Variants in DENND10 observed in about 807,000 individuals in gnomAD.
The protein encoded by DENND10 is DENN domain-containing protein 10.
In DENND10, 24 loss-of-function variants were observed where a neutral mutation model predicts 43.6. The ratio of observed to expected loss-of-function variants is 0.55; its 90% CI spans 0.40 to 0.77. DENND10 has a LOEUF of 0.77. DENND10 is among the 30% of genes least tolerant of loss of function. DENND10 has a pLI of 0.00. For synonymous variants in DENND10, 125 were observed against 157.6 expected, an observed-to-expected ratio of 0.79 and a Z score of 1.55; for missense variants, 303 against 429.9, an observed-to-expected ratio of 0.70 and a Z score of 2.61.
chr10:119,137,295 A>AG lies in DENND10; in HGVS notation c.*649dup. On this transcript the variant is annotated 3_prime_UTR_variant, in exon 9 of 9. Transcript: ENST00000361432. Reference sequence around the variant, plus strand: ...TAATCCATATTTATACTATCGCAGAAGTAAGCATTTGGCAAACGTTCAGCC... The same window carrying AG: ...TAATCCATATTTATACTATCGCAGAAGGTAAGCATTTGGCAAACGTTCAGCC... 1 of 162,118 alleles carries AG rather than the reference A, an allele frequency of 6.2e-6. No individual in the cohort carries two copies. The highest frequency in any genetic ancestry group is 2.2e-4 in the South Asian group (1 of 4,518). The allele number at this position is 162,118 out of a possible 1,614,324, so 10.0% of individuals were successfully genotyped here.
intron 6 of DENND10, 124 bp from the exon 7 acceptor site, chr10:119,129,391 C>A: frequency 1.5e-6 from 1 of 662,982 alleles, no homozygotes; most frequent in Non-Finnish European, 2.7e-6. Flanking sequence ...CAGGGTACAG[C>A]TAATGTTCCC....
In DENND10 at chr10:119,136,714, T is replaced by C. The variant is rs1319301717; in HGVS notation, c.*67T>C. On this transcript the variant is annotated 3_prime_UTR_variant, in exon 9 of 9. Transcript: ENST00000361432. Reference sequence around the variant, plus strand: ...TCTTTCACTCTGATTACCCACTCACTACATGAAGTCCTGAAAATAACAGAG... The same window carrying C: ...TCTTTCACTCTGATTACCCACTCACCACATGAAGTCCTGAAAATAACAGAG... 12 of 713,800 alleles carry C rather than the reference T, an allele frequency of 1.7e-5. No individual in the cohort carries two copies. Among genetic ancestry groups the C allele is most frequent in the Non-Finnish European group, 1.6e-5 (7 of 442,628 alleles). 44.2% of individuals were successfully genotyped at this position (713,800 alleles called of 1,614,324 possible).
At chr10:119,104,586 G>GGCGGC (rs200289641) in intron 1 of DENND10, among the ~76,000 whole-genome samples, 1 of 148,328 alleles carries the variant, frequency 6.7e-6, no homozygotes, top group African/African-American at 2.4e-5. Context: ...GCAGCCGGCT[G>GGCGGC]GCGGCGCGGC....
intron 6 of DENND10, among the ~76,000 whole-genome samples, chr10:119,127,700 C>T (rs1845897368): frequency 6.6e-6 from 1 of 151,922 alleles, no homozygotes; most frequent in Non-Finnish European, 1.5e-5. Flanking sequence ...GTTGCCCAGG[C>T]AGGCCTCGAA....
Position 119,120,251 on chromosome 10 carries a change from AAAAAAAG to A in DENND10, c.482-76_482-70del, listed in dbSNP as rs1379858901. The A allele has an allele frequency of 9.1e-5, 76 of 836,240 alleles. No individual in the cohort carries two copies. The South Asian group carries it at 1.0e-3, about 12-fold the overall frequency. 51.8% of individuals were successfully genotyped at this position (836,240 alleles called of 1,614,324 possible). ...TGACAGAGTGAGACTCGGTCTCAAA[AAAAAAAG>A]AAAAAAGAAAAAAAGAAAAAAAAAT... On this transcript the variant is annotated intron_variant, in intron 4 of 8. Coordinates refer to ENST00000361432, the MANE Select transcript of DENND10 (RefSeq NM_207009.4).
intron 8 of DENND10, chr10:119,134,377 G>A (rs1846215487): frequency 7.6e-6 from 1 of 132,280 alleles, no homozygotes; most frequent in Non-Finnish European, 1.6e-5. Context: ...TGGAGACAGA[G>A]TCTCGCTCTG....
intron 3 of DENND10, among the ~76,000 whole-genome samples, chr10:119,116,437 C>T (rs1845277755): frequency 1.3e-5 from 2 of 152,106 alleles, no homozygotes; most frequent in Admixed American, 6.6e-5. Flanking sequence ...ACTCCTTTCT[C>T]GTCAAAGGAA....
chr10:119,132,438 T>A lies in DENND10; in HGVS notation c.803-77T>A. The A allele has an allele frequency of 1.7e-6, 2 of 1,199,488 alleles. No individual in the cohort carries two copies. The highest frequency in any genetic ancestry group is 2.5e-6 in the Non-Finnish European group (2 of 804,328). The allele number at this position is 1,199,488 out of a possible 1,614,324, so 74.3% of individuals were successfully genotyped here. A position where few individuals can be genotyped will look rare whatever the true frequency, so the allele number is the denominator to read the frequency against. ...CTTTTTGAAAATTCCCTCAGTGTGG[T>A]CTTCCAAGTTTTCAGATAGATGGCA... On this transcript the variant is annotated intron_variant, in intron 7 of 8. Coordinates refer to ENST00000361432, the MANE Select transcript of DENND10 (RefSeq NM_207009.4). The surrounding 1 kb of genome is among the most constrained non-coding windows in gnomAD (Gnocchi z 4.2).
chr10:119,116,064 C>G (rs957872878), intron 3 of DENND10, among the ~76,000 whole-genome samples: 1 of 152,078 alleles, frequency 6.6e-6, no homozygotes. Flanking sequence ...GTGCCCGGCC[C>G]TCAAGTGATC....
At chr10:119,114,277 C>CACAT (rs1241220599) in intron 3 of DENND10, 1 of 151,878 alleles carries the variant, frequency 6.6e-6, no homozygotes, top group Admixed American at 6.6e-5. Context: ...CACACACACA[C>CACAT]ACACACACAC....
chr10:119,105,461 T>C, intron 1 of DENND10: 1 of 978,464 alleles, frequency 1.0e-6, no homozygotes, highest in Non-Finnish European at 1.3e-6. Context: ...ATTTTTGTAT[T>C]TTTTGTGGAG....
chr10:119,129,354 A>G (rs1845978633), intron 6 of DENND10, 161 bp from the exon 7 acceptor site: 1 of 600,992 alleles, frequency 1.7e-6, no homozygotes, highest in Non-Finnish European at 3.0e-6. Context: ...CAGGCAACTG[A>G]TAGTAATGTA....
At chr10:119,113,917 G>A (rs763551911) in intron 3 of DENND10, among the ~76,000 whole-genome samples, 1 of 152,140 alleles carries the variant, frequency 6.6e-6, no homozygotes, top group African/African-American at 2.4e-5. Flanking sequence ...CAGAAAAGAC[G>A]CTATCCAGAA....
intron 3 of DENND10, among the ~76,000 whole-genome samples, chr10:119,112,733 G>GATCT (rs1453505540): frequency 3.3e-5 from 5 of 151,840 alleles, no homozygotes; most frequent in Admixed American, 3.3e-4. Flanking sequence ...GAGCTCAAGT[G>GATCT]ATCTGCTCAT....
intron 2 of DENND10, among the ~76,000 whole-genome samples, chr10:119,109,054 A>C (rs1317844273): frequency 6.6e-6 from 1 of 151,762 alleles, no homozygotes; most frequent in Non-Finnish European, 1.5e-5. Flanking sequence ...ATCTCTACTA[A>C]AAATACAAAA....
chr10:119,130,502 C>T (rs959825463), intron 7 of DENND10, among the ~76,000 whole-genome samples: 2 of 152,086 alleles, frequency 1.3e-5, no homozygotes, highest in Non-Finnish European at 2.9e-5. Flanking sequence ...TTCACCATGT[C>T]GGCCAGGCTG....
intron 2 of DENND10, among the ~76,000 whole-genome samples, chr10:119,111,323 A>C (rs1300256065): frequency 6.6e-6 from 1 of 151,676 alleles, no homozygotes; most frequent in African/African-American, 2.4e-5. Context: ...CAATAAAAAT[A>C]AGTAAAATAA....
intron 6 of DENND10, among the ~76,000 whole-genome samples, chr10:119,124,225 A>G (rs1174114044): frequency 6.6e-6 from 1 of 150,732 alleles, no homozygotes; most frequent in Non-Finnish European, 1.5e-5. Context: ...TAAAATGCAT[A>G]TAGGATTTAC....
intron 5 of DENND10, 79 bp from the exon 6 acceptor site, chr10:119,123,390 C>T: frequency 9.7e-7 from 1 of 1,030,278 alleles, no homozygotes; most frequent in South Asian, 1.3e-5. Context: ...ATTTCCTTCT[C>T]AGGAAGAGGA....
Sources: gnomAD v4.1 joint callset for allele counts (sites outside exome capture counted in the v4.1 genomes callset) on GRCh38, gnomAD v4.1.1 for gene constraint, Gnocchi (gnomAD v3.1) non-coding constraint, MANE v1.5 for transcripts, NCBI Gene and HGNC (gene_info 2026-07-23, HGNC 2026-07-21) for gene names.